The following SHROOM2 variants were observed in gnomAD, a reference collection of about 807,000 sequenced individuals.
SHROOM2 encodes protein Shroom2.
Under a neutral mutation model 75.9 loss-of-function variants are expected in SHROOM2, and 33 were observed. The ratio of observed to expected loss-of-function variants is 0.43; its 90% CI spans 0.33 to 0.58. The LOEUF (loss-of-function observed/expected upper bound fraction) is 0.58. Among genes scored for constraint, SHROOM2 ranks in the 20% least tolerant of loss-of-function variants. SHROOM2 has a pLI of 0.04. For missense variants in SHROOM2, 1,434 were observed against 1,461.2 expected (o/e 0.98, Z 0.30); for synonymous variants, 655 against 663.6 (o/e 0.99, Z 0.20).
At position 9,851,519 on chromosome X, in the gene SHROOM2, C is replaced by T. The variant is rs1032672424; in HGVS notation, c.166-22133C>T. ...AGGCTGGAGTGCAATGGCGTGATCA[C>T]GGCTGACTGCAGCCTCAACCTCAGC... On this transcript the variant is annotated intron_variant, in intron 1 of 9. Coordinates refer to ENST00000380913, the MANE Select transcript of SHROOM2 (RefSeq NM_001649.4). Among the ~76,000 whole-genome samples the T allele has an allele frequency of 3.5e-4, 32 of 92,592 alleles. 1 individual carries two copies. The highest frequency in any genetic ancestry group is 1.0e-3 in the African/African-American group (26 of 24,828). 80.4% of individuals were successfully genotyped at this position (92,592 alleles called of 115,157 possible).
chrX:9,822,703 C>T (rs1243863740), intron 1 of SHROOM2, among the ~76,000 whole-genome samples: 2 of 112,565 alleles, frequency 1.8e-5, no homozygotes, highest in Admixed American at 9.4e-5. Flanking sequence ...CAGGTGGCAG[C>T]TCCAGAAAGC....
At chrX:9,875,683 G>C (rs939329429) in intron 2 of SHROOM2, among the ~76,000 whole-genome samples, 2 of 112,580 alleles carry the variant, frequency 1.8e-5, no homozygotes, top group African/African-American at 6.5e-5. Flanking sequence ...CGTTGTGAAT[G>C]TTCAGAGACA....
At position 9,876,290 on chromosome X, in the gene SHROOM2, C is replaced by T. The variant is rs145791351; in HGVS notation, c.317+2487C>T. Among the ~76,000 whole-genome samples, 18 of 112,241 alleles carry T rather than the reference C, an allele frequency of 1.6e-4. No individual in the cohort carries two copies. The East Asian group carries it at 4.5e-3, about 28-fold the overall frequency. On this transcript the variant is annotated intron_variant, in intron 2 of 9. Coordinates refer to ENST00000380913, the MANE Select transcript of SHROOM2 (RefSeq NM_001649.4). ...AAACCCACAAGCTGTTTTTCCTCTG[C>T]TCTCACACAACACTCAACACAGAAG...
intron 1 of SHROOM2, chrX:9,819,479 T>A: frequency 3.5e-6 from 1 of 285,196 alleles, no homozygotes; most frequent in South Asian, 7.4e-5. Context: ...TTTTGGCTTA[T>A]TGGTGGCTTT....
At chrX:9,834,913 C>T (rs1232088176) in intron 1 of SHROOM2, among the ~76,000 whole-genome samples, 1 of 111,991 alleles carries the variant, frequency 8.9e-6, no homozygotes, top group Non-Finnish European at 1.9e-5. Flanking sequence ...TGGCTTTGTT[C>T]TAAAACTTCA....
rs2084828374 is a variant in SHROOM2, at chrX:9,947,100, G to A, written c.*163G>A. ...AATAACTTTTGTGTTTGTGTGGGAT[G>A]ATTTATTTAATTTTTTAGTTTCCCC... is the stretch of plus-strand genomic sequence containing the variant. On this transcript the variant is annotated 3_prime_UTR_variant, in exon 10 of 10. Coordinates refer to ENST00000380913, the MANE Select transcript of SHROOM2 (RefSeq NM_001649.4). The A allele has an allele frequency of 1.8e-6, 1 of 542,982 alleles. No individual in the cohort carries two copies. The highest frequency in any genetic ancestry group is 2.3e-5 in the African/African-American group (1 of 42,875). The allele number at this position is 542,982 out of a possible 1,213,427, so 44.7% of individuals were successfully genotyped here.
chrX:9,795,477 T>C (rs2083690455), intron 1 of SHROOM2, among the ~76,000 whole-genome samples: 1 of 112,319 alleles, frequency 8.9e-6, no homozygotes, highest in Non-Finnish European at 1.9e-5. Context: ...TTCTTCCATA[T>C]CTGTGACAGT....
chrX:9,890,884 G>A, intron 2 of SHROOM2, 93 bp from the exon 3 acceptor site: 2 of 923,296 alleles, frequency 2.2e-6, no homozygotes, highest in South Asian at 2.5e-5. Flanking sequence ...CGTGTGCCCT[G>A]TGTGCGGTCC....
intron 1 of SHROOM2, among the ~76,000 whole-genome samples, chrX:9,822,524 A>G: frequency 8.9e-6 from 1 of 112,974 alleles, no homozygotes; most frequent in East Asian, 2.8e-4. Flanking sequence ...ACGGCACAGT[A>G]TCCGCATCTG....
intron 1 of SHROOM2, among the ~76,000 whole-genome samples, chrX:9,816,337 C>A (rs6530322): frequency 0.5 from 56,018 of 111,153 alleles, 10,445 homozygotes; most frequent in Admixed American, 0.69. Context: ...ACATGGGTGG[C>A]GCATCCCTGA....
intron 1 of SHROOM2, among the ~76,000 whole-genome samples, chrX:9,822,032 C>A (rs2083855799): frequency 8.9e-6 from 1 of 112,547 alleles, no homozygotes; most frequent in Admixed American, 9.4e-5. Flanking sequence ...AGGAGGCTGA[C>A]CCTGAAGGCC....
chrX:9,838,690 G>C (rs912827943), intron 1 of SHROOM2, among the ~76,000 whole-genome samples: 16 of 112,098 alleles, frequency 1.4e-4, no homozygotes, highest in East Asian at 8.4e-4. Flanking sequence ...CCTTAAATAA[G>C]AGAAGTTGAA....
In SHROOM2 at chrX:9,932,541, C is replaced by T. The variant is rs138615994; in HGVS notation, c.3258C>T (p.Pro1086=). ...RATDGAPADA[P]VGVLGRPFPT... is the part of the protein sequence containing the mutation. ...CAGACGGCGCACCTGCTGACGCCCC[C>T]GTGGGCGTCCTCGGCAGGCCCTTCC... Residue 1086 remains proline, a synonymous_variant, in exon 6 of 10, where the codon CCC becomes CCT. Coordinates refer to ENST00000380913, the MANE Select transcript of SHROOM2 (RefSeq NM_001649.4). 2.6e-4 allele frequency: 315 copies of T among 1,209,855 alleles called. 3 individuals carry two copies. In the African/African-American group the frequency reaches 4.3e-3, roughly 17 times the overall value.
intron 1 of SHROOM2, among the ~76,000 whole-genome samples, chrX:9,792,648 C>G (rs1248817454): frequency 9.1e-6 from 1 of 109,647 alleles, no homozygotes; most frequent in African/African-American, 3.3e-5. Flanking sequence ...CAACAAGAAC[C>G]CAGGCAGGGT....
intron 1 of SHROOM2, among the ~76,000 whole-genome samples, chrX:9,866,084 ATT>A (rs773543500): frequency 8.3e-4 from 65 of 78,714 alleles, no homozygotes; most frequent in African/African-American, 2.2e-3. Flanking sequence ...GGGGCCAGGA[ATT>A]TTTTTTTTTT....
intron 1 of SHROOM2, among the ~76,000 whole-genome samples, chrX:9,801,090 C>A (rs906796759): frequency 8.1e-5 from 9 of 111,510 alleles, no homozygotes; most frequent in East Asian, 5.6e-4. Flanking sequence ...GAGGCCTCAC[C>A]ATCATGGCAG....
At position 9,920,575 on chromosome X, in the gene SHROOM2, CCACAGTAAGATAGTATTTAT is replaced by C. The variant is rs1470639727; in HGVS notation, c.2892-11594_2892-11575del. Among the ~76,000 whole-genome samples, 3 of 112,257 alleles carry C rather than the reference CCACAGTAAGATAGTATTTAT, an allele frequency of 2.7e-5. No homozygotes were observed. In the East Asian group the frequency reaches 8.3e-4, roughly 31 times the overall value. On this transcript the variant is annotated intron_variant, in intron 5 of 9. Transcript: ENST00000380913. Reference sequence around the variant, plus strand: ...TTATTGAGGTAAATGAAAATGTCTGCCACAGTAAGATAGTATTTATCACAGAGATTCAGATATGATTTTTT... The same window carrying C: ...TTATTGAGGTAAATGAAAATGTCTGCCACAGAGATTCAGATATGATTTTTT...
intron 1 of SHROOM2, among the ~76,000 whole-genome samples, chrX:9,807,644 C>T (rs756824982): frequency 3.6e-5 from 4 of 112,301 alleles, no homozygotes; most frequent in African/African-American, 9.7e-5. Flanking sequence ...GCTGTCCATG[C>T]CCCAACAAAA....
At chrX:9,860,386 A>G (rs1222747797) in intron 1 of SHROOM2, among the ~76,000 whole-genome samples, 1 of 111,833 alleles carries the variant, frequency 8.9e-6, no homozygotes, top group East Asian at 2.8e-4. Context: ...GTTAACATAC[A>G]TGCACATCAC....
Sources: gnomAD v4.1 joint callset for allele counts (sites outside exome capture counted in the v4.1 genomes callset) on GRCh38, gnomAD v4.1.1 for gene constraint, MANE v1.5 for transcripts, NCBI Gene and HGNC (gene_info 2026-07-23, HGNC 2026-07-21) for gene names.